Variants in BACH2 observed in about 807,000 individuals in gnomAD.
BACH2 encodes transcription regulator protein BACH2.
BACH2 carries 5 observed loss-of-function variants against 61.8 expected under a neutral mutation model. That is an observed-to-expected ratio of 0.08 (90% CI 0.04 to 0.17). BACH2 has a LOEUF of 0.17. Among genes scored for constraint, BACH2 ranks in the 10% least tolerant of loss-of-function variants. BACH2 has a pLI of 1.00. For synonymous variants in BACH2, 446 were observed against 440.1 expected (o/e 1.01, Z -0.17); for missense variants, 824 against 1,091.1 (o/e 0.76, Z 3.45).
chr6:90,000,072 G>A (rs1777054924), intron 6 of BACH2, among the ~76,000 whole-genome samples: 1 of 152,170 alleles, frequency 6.6e-6, no homozygotes, highest in African/African-American at 2.4e-5. Context: ...AAATGTAAGA[G>A]GTTTGGAAAC....
chr6:90,101,093 G>A (rs1782606031), intron 4 of BACH2, among the ~76,000 whole-genome samples: 1 of 152,128 alleles, frequency 6.6e-6, no homozygotes, highest in African/African-American at 2.4e-5. Flanking sequence ...TGTCTGGGTT[G>A]TCTTTTGAGC....
chr6:90,279,706 G>GA (rs1270962790), intron 1 of BACH2, among the ~76,000 whole-genome samples: 1 of 152,118 alleles, frequency 6.6e-6, no homozygotes, highest in Non-Finnish European at 1.5e-5. Context: ...CAGCCTTAAA[G>GA]AACATCTATT....
chr6:90,247,020 A>C (rs559143639), intron 3 of BACH2, among the ~76,000 whole-genome samples: 64 of 151,288 alleles, frequency 4.2e-4, no homozygotes, highest in African/African-American at 1.6e-3. Context: ...TACAAATGTG[A>C]AAAAAAAACC....
intron 4 of BACH2, among the ~76,000 whole-genome samples, chr6:90,103,264 A>G (rs1476822630): frequency 1.3e-5 from 2 of 151,472 alleles, no homozygotes; most frequent in Non-Finnish European, 2.9e-5. Flanking sequence ...GCATCTGACT[A>G]ATTGGGGAGG....
intron 5 of BACH2, among the ~76,000 whole-genome samples, chr6:90,034,838 A>G (rs1779185159): frequency 6.6e-6 from 1 of 152,150 alleles, no homozygotes; most frequent in Non-Finnish European, 1.5e-5. Flanking sequence ...AACATCTCCA[A>G]TCTGAGAACA....
At chr6:90,068,102 G>T (rs1356154659) in intron 5 of BACH2, among the ~76,000 whole-genome samples, 2 of 152,182 alleles carry the variant, frequency 1.3e-5, no homozygotes, top group African/African-American at 4.8e-5. Context: ...TTATGTTGTA[G>T]AATTGAAGTC....
At chr6:90,112,041 GCC>G (rs946113309) in intron 4 of BACH2, among the ~76,000 whole-genome samples, 1 of 152,166 alleles carries the variant, frequency 6.6e-6, no homozygotes, top group Admixed American at 6.5e-5. Flanking sequence ...TACATACTTT[GCC>G]ATGTCAAATT....
intron 4 of BACH2, among the ~76,000 whole-genome samples, chr6:90,190,482 A>G (rs556558743): frequency 1.3e-5 from 2 of 152,368 alleles, no homozygotes; most frequent in East Asian, 1.9e-4. Flanking sequence ...CTTATCTTAC[A>G]GAACAGAAAA....
At chr6:89,981,746 G>A (rs950216254) in intron 6 of BACH2, among the ~76,000 whole-genome samples, 1 of 152,192 alleles carries the variant, frequency 6.6e-6, no homozygotes, top group Non-Finnish European at 1.5e-5. Flanking sequence ...GGAACAGCAT[G>A]AGAAGTTGAC....
At chr6:90,073,224 T>C (rs541540665) in intron 5 of BACH2, among the ~76,000 whole-genome samples, 164 of 152,354 alleles carry the variant, frequency 1.1e-3, no homozygotes, top group African/African-American at 3.9e-3. Flanking sequence ...TGTTTACTAC[T>C]GTCTATTTTT....
intron 6 of BACH2, among the ~76,000 whole-genome samples, chr6:89,985,326 T>C (rs1022489184): frequency 3.3e-5 from 5 of 152,116 alleles, no homozygotes; most frequent in African/African-American, 1.2e-4. Flanking sequence ...CTGGCGGGGC[T>C]GGTGGGAGTC....
chr6:90,028,919 G>T (rs1778790114), intron 5 of BACH2, among the ~76,000 whole-genome samples: 1 of 152,152 alleles, frequency 6.6e-6, no homozygotes, highest in African/African-American at 2.4e-5. Flanking sequence ...GAACTGTGAG[G>T]ATTAAAATAT....
At chr6:89,970,677 TGAA>T (rs1216483527) in intron 6 of BACH2, among the ~76,000 whole-genome samples, 5 of 151,880 alleles carry the variant, frequency 3.3e-5, no homozygotes, top group African/African-American at 1.2e-4. Flanking sequence ...CTGCAAACAA[TGAA>T]GAAGGAAATT....
At chr6:90,150,215 G>A (rs574922755) in intron 4 of BACH2, among the ~76,000 whole-genome samples, 7 of 152,240 alleles carry the variant, frequency 4.6e-5, no homozygotes, top group African/African-American at 4.8e-5. Flanking sequence ...ATAATCACAT[G>A]CACTACTCTA....
In BACH2 at chr6:90,100,728, G is replaced by GACACACACACACACACAGAC. The variant is rs1782588539; in HGVS notation, c.-161-11620_-161-11619insGTCTGTGTGTGTGTGTGTGT. On this transcript the variant is annotated intron_variant, in intron 4 of 8. Transcript: ENST00000257749. ...ACACACACACACACACACACACACAGACACACACACACACACACACACCCT... is the reference window on the plus strand; with the variant it reads ...ACACACACACACACACACACACACAGACACACACACACACACAGACACACACACACACACACACACACCCT... Among the ~76,000 whole-genome samples the GACACACACACACACACAGAC allele has an allele frequency of 3.6e-4, 51 of 142,370 alleles. 1 individual carries two copies. Among genetic ancestry groups the GACACACACACACACACAGAC allele is most frequent in the African/African-American group, 1.3e-3 (49 of 38,366 alleles). The allele number at this position is 142,370 out of a possible 152,430, so 93.4% of individuals were successfully genotyped here.
chr6:90,223,570 G>A lies in BACH2; in HGVS notation c.-274-16889C>T, dbSNP rs1312871666. On this transcript the variant is annotated intron_variant, in intron 3 of 8. Transcript: ENST00000257749. ...TGCAGCCTCGACCTCCTGGGCTCAGGTGATTCTCTCACCTCAGCCTCCCAA... is the reference window on the plus strand; with the variant it reads ...TGCAGCCTCGACCTCCTGGGCTCAGATGATTCTCTCACCTCAGCCTCCCAA... Among the ~76,000 whole-genome samples, 6 of 152,058 alleles carry A rather than the reference G, an allele frequency of 3.9e-5. No individual in the cohort carries two copies. In the East Asian group the frequency reaches 1.2e-3, roughly 29 times the overall value.
chr6:90,100,714 C>CACACACACAG (rs1562444063), intron 4 of BACH2, among the ~76,000 whole-genome samples: 117 of 57,822 alleles, frequency 2.0e-3, no homozygotes, highest in African/African-American at 8.5e-3. Flanking sequence ...CACACACACA[C>CACACACACAG]ACACACACAC....
At chr6:90,133,462 T>A (rs1784146087) in intron 4 of BACH2, among the ~76,000 whole-genome samples, 1 of 152,226 alleles carries the variant, frequency 6.6e-6, no homozygotes, top group African/African-American at 2.4e-5. Context: ...TAATTCAGTA[T>A]GTAAGGAAGG....
At chr6:90,032,995 G>A (rs1475562844) in intron 5 of BACH2, among the ~76,000 whole-genome samples, 2 of 151,994 alleles carry the variant, frequency 1.3e-5, no homozygotes, top group Non-Finnish European at 2.9e-5. Flanking sequence ...AAGAAAATGT[G>A]GTACATATAC....
Sources: gnomAD v4.1 joint callset for allele counts (sites outside exome capture counted in the v4.1 genomes callset) on GRCh38, gnomAD v4.1.1 for gene constraint, MANE v1.5 for transcripts, NCBI Gene and HGNC (gene_info 2026-07-23, HGNC 2026-07-21) for gene names.